The following ANKS1B variants were observed in gnomAD, a reference collection of about 807,000 sequenced individuals.
ANKS1B encodes the protein ankyrin repeat and sterile alpha motif domain containing 1B.
ANKS1B carries 36 observed loss-of-function variants against 148.3 expected under a neutral mutation model. That is an observed-to-expected ratio of 0.24 (90% CI 0.19 to 0.32). ANKS1B has a LOEUF of 0.32. Ranked by LOEUF, ANKS1B falls within the 10% of genes least tolerant of loss-of-function variation. The pLI is 1.00. For missense variants in ANKS1B, 1,157 were observed against 1,542.6 expected (o/e 0.75, Z 4.19); for synonymous variants, 542 against 560.8 (o/e 0.97, Z 0.47).
intron 8 of ANKS1B, among the ~76,000 whole-genome samples, chr12:99,754,617 T>G (rs1226902027): frequency 6.6e-6 from 1 of 152,122 alleles, no homozygotes; most frequent in East Asian, 1.9e-4. Flanking sequence ...CCTTGGCAAA[T>G]GCAAAAGAAC....
At chr12:99,812,643 T>C (rs568157691) in intron 2 of ANKS1B, among the ~76,000 whole-genome samples, 7 of 149,806 alleles carry the variant, frequency 4.7e-5, no homozygotes, top group African/African-American at 1.7e-4. Flanking sequence ...TAAGCAAAAC[T>C]TAACTTATTT....
chr12:99,141,317 C>A (rs2070678813), intron 15 of ANKS1B, among the ~76,000 whole-genome samples: 1 of 152,040 alleles, frequency 6.6e-6, no homozygotes, highest in African/African-American at 2.4e-5. Flanking sequence ...GCTTCCGTGG[C>A]TCTCATTTCA....
intron 14 of ANKS1B, among the ~76,000 whole-genome samples, chr12:99,242,740 A>G (rs2089584214): frequency 6.6e-6 from 1 of 152,164 alleles, no homozygotes. Context: ...ATAACAACAC[A>G]CATCTACAAC....
intron 1 of ANKS1B, among the ~76,000 whole-genome samples, chr12:99,975,847 G>A (rs115024257): frequency 0.059 from 8,995 of 152,200 alleles, 364 homozygotes; most frequent in Non-Finnish European, 0.08. Flanking sequence ...TCCCATTGCT[G>A]TGTATATACC....
chr12:99,592,630 C>T (rs549891132), intron 9 of ANKS1B, among the ~76,000 whole-genome samples: 35 of 151,772 alleles, frequency 2.3e-4, no homozygotes, highest in Non-Finnish European at 3.4e-4. Flanking sequence ...AAGACAATAA[C>T]GAGAAAAGAA....
intron 12 of ANKS1B, among the ~76,000 whole-genome samples, chr12:99,363,761 C>T (rs960761748): frequency 1.3e-5 from 2 of 152,234 alleles, no homozygotes; most frequent in Middle Eastern, 3.4e-3. Context: ...ATCCAACAAA[C>T]CTTTATGCAA....
intron 9 of ANKS1B, among the ~76,000 whole-genome samples, chr12:99,619,453 G>C (rs1273656880): frequency 6.6e-6 from 1 of 152,014 alleles, no homozygotes; most frequent in African/African-American, 2.4e-5. Flanking sequence ...GGGTACAGGA[G>C]GCTCTCTCTG....
intron 9 of ANKS1B, among the ~76,000 whole-genome samples, chr12:99,630,737 C>T (rs1174763832): frequency 6.6e-6 from 1 of 152,136 alleles, no homozygotes; most frequent in Non-Finnish European, 1.5e-5. Context: ...TGGGGAGTAA[C>T]AGGAGCAAGA....
chr12:98,816,551 C>T (rs2099142747), intron 19 of ANKS1B, among the ~76,000 whole-genome samples: 1 of 152,164 alleles, frequency 6.6e-6, no homozygotes, highest in Non-Finnish European at 1.5e-5. Flanking sequence ...CTCGGCCTCC[C>T]AAAGTACTGG....
At chr12:99,800,098 G>T (rs1001447371) in intron 4 of ANKS1B, among the ~76,000 whole-genome samples, 3 of 152,072 alleles carry the variant, frequency 2.0e-5, no homozygotes, top group Non-Finnish European at 4.4e-5. Flanking sequence ...AACCTCCAGT[G>T]TGACTGTATT....
At position 98,961,802 on chromosome 12, in the gene ANKS1B, TGTTA is replaced by T. The variant is rs576872009; in HGVS notation, c.2778+91351_2778+91354del. ...TTTATTAGTTTTCTCTTTGCTTGTT[TGTTA>T]GTCTATGCAATCAGTATTAAGTTGT... On this transcript the variant is annotated intron_variant, in intron 17 of 26. Coordinates refer to ENST00000683438, the MANE Select transcript of ANKS1B (RefSeq NM_001352186.2). 1.1e-3 allele frequency among the ~76,000 whole-genome samples: 170 copies of T among 152,268 alleles called. 4 individuals carry two copies. In the South Asian group the frequency reaches 0.015, roughly 14 times the overall value.
intron 15 of ANKS1B, among the ~76,000 whole-genome samples, chr12:99,149,814 C>G (rs1320239292): frequency 6.6e-6 from 1 of 152,062 alleles, no homozygotes; most frequent in Non-Finnish European, 1.5e-5. Flanking sequence ...CTTCTATTAT[C>G]TACTGTAATT....
intron 12 of ANKS1B, among the ~76,000 whole-genome samples, chr12:99,354,885 G>T (rs1288079391): frequency 6.6e-6 from 1 of 151,840 alleles, no homozygotes; most frequent in Non-Finnish European, 1.5e-5. Context: ...AAGTTGGGAG[G>T]GTATTAGCAT....
intron 4 of ANKS1B, among the ~76,000 whole-genome samples, chr12:99,788,950 T>C (rs906619770): frequency 6.6e-6 from 1 of 152,186 alleles, no homozygotes; most frequent in South Asian, 2.1e-4. Context: ...CTGCAGTAAA[T>C]TAGAACATCA....
chr12:99,727,688 C>A (rs144105997), intron 8 of ANKS1B, among the ~76,000 whole-genome samples: 295 of 152,212 alleles, frequency 1.9e-3, no homozygotes, highest in African/African-American at 5.9e-3. Context: ...CCAGGACAAT[C>A]CTAATCAAAA....
In ANKS1B at chr12:98,744,481, T is replaced by G; in HGVS notation, c.*1258A>C. 2 of 662,246 alleles carry G rather than the reference T, an allele frequency of 3.0e-6. No homozygotes were observed. Among genetic ancestry groups the G allele is most frequent in the Non-Finnish European group, 3.7e-6 (2 of 534,932 alleles). The allele number at this position is 662,246 out of a possible 1,614,324, so 41.0% of individuals were successfully genotyped here. A position where few individuals can be genotyped will look rare whatever the true frequency, so the allele number is the denominator to read the frequency against. On this transcript the variant is annotated 3_prime_UTR_variant, in exon 27 of 27. Transcript: ENST00000683438. ...ACAATATACATTAAAATGTTATTTT[T>G]TTCTATAATGATATTGGTACTGTTT...
intron 12 of ANKS1B, among the ~76,000 whole-genome samples, chr12:99,374,168 C>T (rs989124587): frequency 2.6e-5 from 4 of 152,014 alleles, no homozygotes; most frequent in Non-Finnish European, 5.9e-5. Flanking sequence ...ATAGAGGTTC[C>T]CAGAAAATAC....
intron 11 of ANKS1B, among the ~76,000 whole-genome samples, chr12:99,423,424 G>A (rs573336029): frequency 3.7e-4 from 56 of 152,184 alleles, no homozygotes; most frequent in African/African-American, 1.3e-3. Context: ...AAGAGAGTGT[G>A]GCAATTCCTC....
At chr12:99,558,950 G>A (rs1233367493) in intron 9 of ANKS1B, among the ~76,000 whole-genome samples, 3 of 152,124 alleles carry the variant, frequency 2.0e-5, no homozygotes, top group Non-Finnish European at 4.4e-5. Flanking sequence ...GGGGTGTCCT[G>A]CTGCTAGGAT....
Sources: allele counts gnomAD v4.1 joint callset (sites outside exome capture counted in the v4.1 genomes callset), GRCh38; gene constraint gnomAD v4.1.1; transcripts MANE v1.5; gene names NCBI Gene and HGNC (gene_info 2026-07-23, HGNC 2026-07-21).